CYP3A4: variants seen among roughly 807,000 people sequenced by gnomAD.
CYP3A4 encodes the protein cytochrome P450 family 3 subfamily A member 4.
CYP3A4 carries 41 observed loss-of-function variants against 54.9 expected under a neutral mutation model. The observed-to-expected ratio is 0.75, with a 90% CI of 0.58 to 0.97. The LOEUF (loss-of-function observed/expected upper bound fraction) is 0.97, where lower values mean the gene tolerates loss of function less well. Ranked by LOEUF, CYP3A4 falls within the 50% of genes least tolerant of loss-of-function variation. The probability of loss-of-function intolerance (pLI) is 0.00; values close to 1 mark genes in which losing one functional copy is unlikely to be tolerated. For missense variants in CYP3A4, 510 were observed against 597.3 expected, an observed-to-expected ratio of 0.85 and a Z score of 1.52; for synonymous variants, 179 against 205.2, an observed-to-expected ratio of 0.87 and a Z score of 1.09.
intron 6 of CYP3A4, chr7:99,769,419 C>G: frequency 3.4e-6 from 1 of 291,856 alleles, no homozygotes; most frequent in South Asian, 4.4e-5. Context: ...CAACAGATAC[C>G]AAGTGCCTTC....
In CYP3A4 at chr7:99,764,023, G is replaced by C; in HGVS notation, c.866-8C>G. The C allele has an allele frequency of 6.2e-7, 1 of 1,613,840 alleles. No homozygotes were observed. The highest frequency in any genetic ancestry group is 8.5e-7 in the Non-Finnish European group (1 of 1,179,804). On this transcript the variant is annotated splice_polypyrimidine_tract_variant and splice_region_variant and intron_variant, in intron 9 of 12. Transcript: ENST00000651514. Reference sequence around the variant, plus strand: ...GCTCCAGATCGGACAGAGCTGAAAGGAGAGGAAAGACATTTTAGGTAAATC... The same window carrying C: ...GCTCCAGATCGGACAGAGCTGAAAGCAGAGGAAAGACATTTTAGGTAAATC...
At chr7:99,776,970 T>A (rs928200360) in intron 3 of CYP3A4, among the ~76,000 whole-genome samples, 3 of 152,182 alleles carry the variant, frequency 2.0e-5, no homozygotes, top group African/African-American at 7.2e-5. Flanking sequence ...TACCCTTCTA[T>A]TAAAAAGTCT....
chr7:99,783,751 G>T (rs1163375159), intron 1 of CYP3A4, among the ~76,000 whole-genome samples: 1 of 151,654 alleles, frequency 6.6e-6, no homozygotes, highest in Non-Finnish European at 1.5e-5. Flanking sequence ...TGGGAATACA[G>T]GCGTGCACCA....
chr7:99,763,939 G>T lies in CYP3A4; in HGVS notation c.942C>A (p.Leu314=), dbSNP rs1015541328. Residue 314 remains leucine, a synonymous_variant, in exon 10 of 13, where the codon CTC becomes CTA. Coordinates refer to ENST00000651514, the MANE Select transcript of CYP3A4 (RefSeq NM_017460.6). ...TGGCCAGTTCATACATAATGAAGGA[G>T]AGAACACTGCTCGTGGTTTCATAGC... ...FAGYETTSSV[L]SFIMYELATH... 6.8e-6 allele frequency: 11 copies of T among 1,613,922 alleles called. No homozygotes were observed. The African/African-American group carries it at 1.3e-4, about 20-fold the overall frequency.
At chr7:99,772,174 T>A (rs1235523784) in intron 4 of CYP3A4, among the ~76,000 whole-genome samples, 1 of 152,192 alleles carries the variant, frequency 6.6e-6, no homozygotes, top group Non-Finnish European at 1.5e-5. Context: ...GGGAGCCACA[T>A]GGAGACAGAG....
chr7:99,763,780 T>G, intron 10 of CYP3A4, 75 bp downstream of exon 10: 3 of 1,548,424 alleles, frequency 1.9e-6, no homozygotes, highest in Non-Finnish European at 2.6e-6. Flanking sequence ...ATAAAAATTC[T>G]CCTGGGAAGT....
intron 11 of CYP3A4, 73 bp downstream of exon 11, chr7:99,761,968 G>A (rs1221907458): frequency 5.3e-6 from 7 of 1,309,780 alleles, no homozygotes; most frequent in Non-Finnish European, 7.8e-6. Context: ...TGACTGTCCT[G>A]TAGATTAAGA....
chr7:99,778,373 G>T (rs1361182300), intron 2 of CYP3A4, among the ~76,000 whole-genome samples: 11 of 152,176 alleles, frequency 7.2e-5, no homozygotes, highest in Admixed American at 6.5e-4. Flanking sequence ...TTTTTCATGT[G>T]TTGTCTTGAA....
rs1037617212 is a variant in CYP3A4 at position 99,784,088 on chromosome 7, T to C, written c.-7A>G. Reference sequence around the variant, plus strand: ...AGTCTGGGATGAGAGCCATCACTACTTTCCTTACTTATCTCTCTCCTCTGA... The same window carrying C: ...AGTCTGGGATGAGAGCCATCACTACCTTCCTTACTTATCTCTCTCCTCTGA... On this transcript the variant is annotated 5_prime_UTR_variant, in exon 1 of 13. Transcript: ENST00000651514. 1 of 1,612,938 alleles carries C rather than the reference T, an allele frequency of 6.2e-7. No homozygotes were observed. Among genetic ancestry groups the C allele is most frequent in the Non-Finnish European group, 8.5e-7 (1 of 1,178,976 alleles).
chr7:99,760,897 C>T lies in CYP3A4; in HGVS notation c.1338G>A (p.Arg446=). 6.2e-7 allele frequency: 1 copy of T among 1,614,096 alleles called. No individual in the cohort carries two copies. The highest frequency in any genetic ancestry group is 8.5e-7 in the Non-Finnish European group (1 of 1,179,966). The change falls in exon 12 of 13, where the codon AGG becomes AGA. Residue 446 remains arginine (R), a synonymous_variant. Coordinates refer to ENST00000651514, the MANE Select transcript of CYP3A4 (RefSeq NM_017460.6). ...GSGPRNCIGM[R]FALMNMKLAL... Reference sequence around the variant, plus strand: ...CAAGTTTCATGTTCATGAGAGCAAACCTCATGCCAATGCAGTTTCTGGGTC... The same window carrying T: ...CAAGTTTCATGTTCATGAGAGCAAATCTCATGCCAATGCAGTTTCTGGGTC...
rs1403610317 is a variant in CYP3A4, at chr7:99,778,063, G to A, written c.183C>T (p.Asp61=). The stretch of plus-strand genomic sequence containing the variant: ...TTCCATACTTTTTATGACATTCCAT[G>A]TCAAACATACAAAAGCCCTGGGAGG... ...LSYHKGFCMF[D]MECHKKYGKV... The change falls in exon 3 of 13, where the codon GAC becomes GAT. Residue 61 remains aspartate (D), a synonymous_variant. Transcript: ENST00000651514. 2 of 1,612,664 alleles carry A rather than the reference G, an allele frequency of 1.2e-6. No individual in the cohort carries two copies. Among genetic ancestry groups the A allele is most frequent in the Non-Finnish European group, 1.7e-6 (2 of 1,178,952 alleles).
chr7:99,760,677 A>G, intron 12 of CYP3A4, 142 bp downstream of exon 12: 1 of 1,145,920 alleles, frequency 8.7e-7, no homozygotes, highest in Non-Finnish European at 1.2e-6. Flanking sequence ...ACCCTTAAAG[A>G]TCACAGATGG....
intron 8 of CYP3A4, 149 bp downstream of exon 8, chr7:99,766,982 C>T: frequency 3.0e-6 from 2 of 665,668 alleles, no homozygotes; most frequent in Non-Finnish European, 4.8e-6. Context: ...TGCATTTCTA[C>T]CAAATGAATT....
At chr7:99,760,555 A>C (rs1420562069) in intron 12 of CYP3A4, among the ~76,000 whole-genome samples, 1 of 152,192 alleles carries the variant, frequency 6.6e-6, no homozygotes, top group East Asian at 1.9e-4. Context: ...TTGAAACTGA[A>C]TGTAAACTTT....
At chr7:99,783,469 G>C (rs1815977513) in intron 1 of CYP3A4, among the ~76,000 whole-genome samples, 1 of 152,074 alleles carries the variant, frequency 6.6e-6, no homozygotes, top group Non-Finnish European at 1.5e-5. Context: ...CTCAATCAAT[G>C]CTATCCCAAA....
chr7:99,774,415 T>C (rs1333730774), intron 3 of CYP3A4, among the ~76,000 whole-genome samples: 1 of 152,186 alleles, frequency 6.6e-6, no homozygotes, highest in African/African-American at 2.4e-5. Context: ...CCAATATCCC[T>C]AAAGAATATC....
intron 4 of CYP3A4, among the ~76,000 whole-genome samples, chr7:99,771,584 G>A (rs534257628): frequency 2.0e-4 from 30 of 152,232 alleles, no homozygotes; most frequent in African/African-American, 6.0e-4. Context: ...ATAACAGCAC[G>A]TTTATTTGTA....
chr7:99,768,296 A>C (rs1457899463), intron 7 of CYP3A4, 58 bp downstream of exon 7: 1 of 1,541,318 alleles, frequency 6.5e-7, no homozygotes, highest in Non-Finnish European at 9.0e-7. Context: ...TTATATCTCA[A>C]TAAAGCAGTT....
chr7:99,783,906 G>T, intron 1 of CYP3A4, 105 bp downstream of exon 1: 1 of 1,341,444 alleles, frequency 7.5e-7, no homozygotes, highest in Non-Finnish European at 1.1e-6. Context: ...ACCACGCCCG[G>T]CCTGAACATC....
Sources: allele counts gnomAD v4.1 joint callset (sites outside exome capture counted in the v4.1 genomes callset), GRCh38; gene constraint gnomAD v4.1.1; transcripts MANE v1.5; gene names NCBI Gene and HGNC (gene_info 2026-07-23, HGNC 2026-07-21).